PCDHGA1: variants seen among roughly 807,000 people sequenced by gnomAD.
PCDHGA1 encodes protocadherin gamma-A1.
In PCDHGA1, 32 loss-of-function variants were observed where a neutral mutation model predicts 58.0. That is an observed-to-expected ratio of 0.55 (90% CI 0.42 to 0.74). The LOEUF (loss-of-function observed/expected upper bound fraction) is 0.74, where lower values mean the gene tolerates loss of function less well. PCDHGA1 is among the 30% of genes least tolerant of loss of function. PCDHGA1 has a pLI of 0.00. For missense variants in PCDHGA1, 1,205 were observed against 1,182.3 expected (o/e 1.02, Z -0.28); for synonymous variants, 498 against 501.1 (o/e 0.99, Z 0.08).
chr5:141,401,342 C>CA (rs929380194), intron 1 of PCDHGA1, among the ~76,000 whole-genome samples: 26 of 150,494 alleles, frequency 1.7e-4, no homozygotes, highest in East Asian at 1.6e-3. Context: ...AACTCCATCT[C>CA]AAAAAAAAGG....
At chr5:141,376,556 A>G in intron 1 of PCDHGA1, 1 of 1,611,100 alleles carries the variant, frequency 6.2e-7, no homozygotes, top group Non-Finnish European at 8.5e-7. Context: ...TCTTCCCGCA[A>G]CCCAACTAAT....
intron 1 of PCDHGA1, among the ~76,000 whole-genome samples, chr5:141,465,888 C>T (rs1031908926): frequency 5.3e-5 from 8 of 151,942 alleles, no homozygotes; most frequent in South Asian, 2.1e-4. Context: ...TTTGGGAGGC[C>T]GAGGCGGGCA....
At chr5:141,374,231 A>T (rs1335997807) in intron 1 of PCDHGA1, 1 of 1,613,834 alleles carries the variant, frequency 6.2e-7, no homozygotes, top group East Asian at 2.2e-5. Flanking sequence ...CAACATCGTC[A>T]AGGATCTGGG....
At position 141,360,263 on chromosome 5, in the gene PCDHGA1, A is replaced by G. The variant is rs555467064; in HGVS notation, c.2421+27158A>G. The G allele has an allele frequency of 1.9e-6, 3 of 1,613,984 alleles. No individual in the cohort carries two copies. In the Admixed American group the frequency reaches 5.0e-5, roughly 27 times the overall value. On this transcript the variant is annotated intron_variant, in intron 1 of 3. Transcript: ENST00000517417. ...TATTCAATTCCAGAGGAGCTGGCCA[A>G]AAACTCGGTCGTAGGAAACCTCGCC...
chr5:141,360,472 C>G, intron 1 of PCDHGA1: 1 of 1,613,884 alleles, frequency 6.2e-7, no homozygotes, highest in Non-Finnish European at 8.5e-7. Flanking sequence ...CGCTGAAAAT[C>G]CACTAAATAT....
intron 2 of PCDHGA1, 34 bp from the exon 3 acceptor site, chr5:141,505,359 G>T: frequency 1.9e-6 from 3 of 1,613,870 alleles, no homozygotes; most frequent in Non-Finnish European, 2.5e-6. Context: ...TGCCGGCCTG[G>T]GAGTCTGTGC....
At chr5:141,344,590 C>T (rs1757441857) in intron 1 of PCDHGA1, 2 of 1,613,880 alleles carry the variant, frequency 1.2e-6, no homozygotes, top group Non-Finnish European at 8.5e-7. Context: ...AATAGCGTCT[C>T]TGAGGGGGCC....
chr5:141,420,382 C>A, intron 1 of PCDHGA1: 1 of 1,300,530 alleles, frequency 7.7e-7, no homozygotes. Flanking sequence ...ATAGAGTTCG[C>A]AAAATATAGG....
In PCDHGA1 at chr5:141,395,514, C is replaced by T. The variant is rs138744897; in HGVS notation, c.2421+62409C>T. 1.1e-3 allele frequency: 455 copies of T among 421,180 alleles called. 7 individuals carry two copies. The highest frequency in any genetic ancestry group is 8.9e-3 in the African/African-American group (432 of 48,430). The allele number at this position is 421,180 out of a possible 1,614,324, so 26.1% of individuals were successfully genotyped here. ...ACTCATTCACTTAAGAAGTAGCTAC[C>T]CGTCCATACTGGTAATTTTGCTATT... On this transcript the variant is annotated intron_variant, in intron 1 of 3. Transcript: ENST00000517417.
chr5:141,371,239 T>A (rs1319098085), intron 1 of PCDHGA1: 2 of 1,614,010 alleles, frequency 1.2e-6, no homozygotes, highest in East Asian at 2.2e-5. Flanking sequence ...TATGCCTTCA[T>A]CAATATTGGC....
chr5:141,379,862 T>G (rs1157385498), intron 1 of PCDHGA1, among the ~76,000 whole-genome samples: 2 of 150,480 alleles, frequency 1.3e-5, no homozygotes, highest in African/African-American at 4.9e-5. Flanking sequence ...TATTGTCTTA[T>G]TCTTATTTTA....
At chr5:141,389,871 G>A (rs199638280) in intron 1 of PCDHGA1, 73 of 1,613,938 alleles carry the variant, frequency 4.5e-5, no homozygotes, top group Non-Finnish European at 5.8e-5. Flanking sequence ...CCTGGTCTTC[G>A]CCGACAGCTT....
rs549266523 is a variant in PCDHGA1 at position 141,408,917 on chromosome 5, C to A, written c.2421+75812C>A. ...TTCTGTCAAGGATACCAATGATAAC[C>A]CCCCGGTTTTCAGCAGAGACGAATA... On this transcript the variant is annotated intron_variant, in intron 1 of 3. Coordinates refer to ENST00000517417, the MANE Select transcript of PCDHGA1 (RefSeq NM_018912.3). 12 of 1,613,366 alleles carry A rather than the reference C, an allele frequency of 7.4e-6. No homozygotes were observed. In the African/African-American group the frequency reaches 1.6e-4, roughly 22 times the overall value.
At position 141,477,263 on chromosome 5, in the gene PCDHGA1, G is replaced by C. The variant is rs543767777; in HGVS notation, c.2422-17544G>C. ...CAGTGTGACTGACCTGGATGCTGGC[G>C]AGAACGGGCTGGTGACCTGCGAAGT... On this transcript the variant is annotated intron_variant, in intron 1 of 3. Coordinates refer to ENST00000517417, the MANE Select transcript of PCDHGA1 (RefSeq NM_018912.3). The surrounding 1 kb of genome is among the most constrained non-coding windows in gnomAD (Gnocchi z 4.9). The C allele has an allele frequency of 6.2e-7, 1 of 1,614,192 alleles. No individual in the cohort carries two copies. The highest frequency in any genetic ancestry group is 1.3e-5 in the African/African-American group (1 of 75,058).
intron 2 of PCDHGA1, among the ~76,000 whole-genome samples, chr5:141,501,690 A>G (rs760011264): frequency 5.3e-5 from 8 of 152,158 alleles, no homozygotes; most frequent in Non-Finnish European, 1.0e-4. Context: ...ACTTATCTGC[A>G]GGGTGATTCC....
At chr5:141,473,974 C>A (rs958240236) in intron 1 of PCDHGA1, among the ~76,000 whole-genome samples, 1 of 152,054 alleles carries the variant, frequency 6.6e-6, no homozygotes, top group Non-Finnish European at 1.5e-5. Flanking sequence ...AAGTCTGAGG[C>A]GGGAGGATCC....
Position 141,332,096 on chromosome 5 carries a change from T to A in PCDHGA1, c.1412T>A (p.Ile471Asn). The A allele has an allele frequency of 6.2e-7, 1 of 1,614,114 alleles. No individual in the cohort carries two copies. The highest frequency in any genetic ancestry group is 8.5e-7 in the Non-Finnish European group (1 of 1,180,016). The change falls in exon 1 of 4, where the codon ATC (isoleucine) becomes AAC (asparagine). Residue 471 changes from isoleucine (I) to asparagine (N), a missense_variant. Ile to Asn is a moderately radical substitution (Grantham distance 149). Transcript: ENST00000517417. The surrounding 1 kb of genome is among the most constrained non-coding windows in gnomAD (Gnocchi z 4.6). Reference protein sequence around the residue: ...IPENNPRGASIFSVRAHDLDS... With the variant: ...IPENNPRGASNFSVRAHDLDS... ...GAAAACAACCCCAGAGGAGCCTCCA[T>A]CTTCTCTGTGAGGGCCCACGACTTG...
intron 1 of PCDHGA1, among the ~76,000 whole-genome samples, chr5:141,481,241 A>C (rs557107835): frequency 2.0e-5 from 3 of 152,350 alleles, no homozygotes; most frequent in South Asian, 2.1e-4. Flanking sequence ...AGTATTACAT[A>C]GCATAGCTCT....
At chr5:141,472,998 GAAAGAA>G (rs1489589280) in intron 1 of PCDHGA1, among the ~76,000 whole-genome samples, 8 of 134,744 alleles carry the variant, frequency 5.9e-5, no homozygotes, top group South Asian at 2.3e-4. Flanking sequence ...AAAAAAAAAA[GAAAGAA>G]AAAGAAAAAG....
Sources: gnomAD v4.1 joint callset for allele counts (sites outside exome capture counted in the v4.1 genomes callset) on GRCh38, gnomAD v4.1.1 for gene constraint, Gnocchi (gnomAD v3.1) non-coding constraint, MANE v1.5 for transcripts, NCBI Gene and HGNC (gene_info 2026-07-23, HGNC 2026-07-21) for gene names.